MYO10: variants seen among roughly 807,000 people sequenced by gnomAD.
MYO10 encodes the protein myosin X.
A neutral mutation model predicts 257.3 loss-of-function variants in MYO10; 133 were observed. The ratio of observed to expected loss-of-function variants is 0.52; its 90% CI spans 0.45 to 0.60. The LOEUF (loss-of-function observed/expected upper bound fraction) is 0.60. MYO10 is among the 20% of genes least tolerant of loss of function. The pLI is 0.00. For missense variants in MYO10, 2,399 were observed against 2,635.7 expected (o/e 0.91, Z 1.97); for synonymous variants, 1,104 against 1,028.6 (o/e 1.07, Z -1.40).
At chr5:16,792,165 GGAGAGAC>G (rs1741785443) in intron 4 of MYO10, among the ~76,000 whole-genome samples, 1 of 123,842 alleles carries the variant, frequency 8.1e-6, no homozygotes, top group Non-Finnish European at 1.7e-5. Context: ...AGAGAGAGAG[GGAGAGAC>G]AGAGACAGAC....
intron 24 of MYO10, among the ~76,000 whole-genome samples, chr5:16,702,266 A>G (rs181940): frequency 0.1 from 15,521 of 152,266 alleles, 2,186 homozygotes; most frequent in African/African-American, 0.32. Context: ...TCAATCCACC[A>G]GTCTGTGGTA....
intron 2 of MYO10, among the ~76,000 whole-genome samples, chr5:16,858,835 G>A (rs1406584959): frequency 3.9e-5 from 6 of 152,150 alleles, no homozygotes; most frequent in Non-Finnish European, 7.3e-5. Flanking sequence ...GCATGTGCCC[G>A]TAATCCCAGC....
chr5:16,761,949 G>A, intron 16 of MYO10, 96 bp downstream of exon 16: 1 of 1,280,840 alleles, frequency 7.8e-7, no homozygotes, highest in Non-Finnish European at 1.1e-6. Context: ...GAGCCACCAT[G>A]CCCAGCCCAA....
At chr5:16,927,496 T>C (rs1746168337) in intron 1 of MYO10, among the ~76,000 whole-genome samples, 1 of 152,126 alleles carries the variant, frequency 6.6e-6, no homozygotes, top group African/African-American at 2.4e-5. Context: ...AGCTAGTTTT[T>C]TGTATTTTTA....
At position 16,823,446 on chromosome 5, in the gene MYO10, CGCG is replaced by C. The variant is rs1248382452; in HGVS notation, c.121-5282_121-5280del. 2.4e-3 allele frequency among the ~76,000 whole-genome samples: 10 copies of C among 4,192 alleles called. 1 individual carries two copies. The highest frequency in any genetic ancestry group is 0.019 in the South Asian group (1 of 54). The allele number at this position is 4,192 out of a possible 152,430, so 2.8% of individuals were successfully genotyped here. A position where few individuals can be genotyped will look rare whatever the true frequency, so the allele number is the denominator to read the frequency against. On this transcript the variant is annotated intron_variant, in intron 2 of 40. Coordinates refer to ENST00000513610, the MANE Select transcript of MYO10 (RefSeq NM_012334.3). ...GATGACAGGGCAAGACTCCATCTTG[CGCG>C]GGGGGGGGGGGAGTGGGGATTTTTT...
chr5:16,920,162 T>C (rs1745942224), intron 1 of MYO10, among the ~76,000 whole-genome samples: 1 of 151,812 alleles, frequency 6.6e-6, no homozygotes, highest in African/African-American at 2.4e-5. Flanking sequence ...TAAACCCAGC[T>C]GCTTGGGAGT....
intron 21 of MYO10, among the ~76,000 whole-genome samples, chr5:16,705,907 C>T (rs1343605737): frequency 1.3e-5 from 2 of 152,056 alleles, no homozygotes; most frequent in Non-Finnish European, 2.9e-5. Context: ...GTTGGCCGGG[C>T]GCAGTGGCTC....
At chr5:16,849,919 C>T (rs1459317186) in intron 2 of MYO10, among the ~76,000 whole-genome samples, 2 of 152,154 alleles carry the variant, frequency 1.3e-5, no homozygotes, top group Non-Finnish European at 2.9e-5. Flanking sequence ...AGCCATTTTG[C>T]GCTGTCTTTA....
In MYO10 at chr5:16,676,034, T is replaced by A; in HGVS notation, c.4663A>T (p.Asn1555Tyr). The A allele has an allele frequency of 6.2e-7, 1 of 1,605,620 alleles. No individual in the cohort carries two copies. The highest frequency in any genetic ancestry group is 8.5e-7 in the Non-Finnish European group (1 of 1,176,408). ...LPLPYGDINLNLLKDKGYTTL... is the reference protein window; with the variant it reads ...LPLPYGDINLYLLKDKGYTTL... ...CGGGGTGGAGCTCTGGACTTACAGTTGAGATTTATGTCCCCATACGGAAGG... is the reference window on the plus strand; with the variant it reads ...CGGGGTGGAGCTCTGGACTTACAGTAGAGATTTATGTCCCCATACGGAAGG... The change falls in exon 34 of 41, where the codon AAC (asparagine) becomes TAC (tyrosine). Residue 1555 changes from asparagine (N) to tyrosine (Y), a missense_variant. Physicochemically the swap from Asn to Tyr is moderately radical, Grantham distance 143 (BLOSUM62 -2). Around this residue, in one of 3 missense-constraint regions of MYO10, gnomAD observed 1,820 missense variants for 1,939.4 expected, o/e 0.94. Coordinates refer to ENST00000513610, the MANE Select transcript of MYO10 (RefSeq NM_012334.3).
At position 16,891,655 on chromosome 5, in the gene MYO10, CAGGG is replaced by C. The variant is rs143965227; in HGVS notation, c.22-13952_22-13949del. ...GAATTATATCACAAATTAAAAGAGA[CAGGG>C]AGGGAGAGACAACTATGCAGACAAA... On this transcript the variant is annotated intron_variant, in intron 1 of 40. Transcript: ENST00000513610. Among the ~76,000 whole-genome samples, 26 of 152,188 alleles carry C rather than the reference CAGGG, an allele frequency of 1.7e-4. No individual in the cohort carries two copies. In the East Asian group the frequency reaches 3.9e-3, roughly 23 times the overall value.
chr5:16,840,615 T>C (rs1743450014), intron 2 of MYO10, among the ~76,000 whole-genome samples: 1 of 152,158 alleles, frequency 6.6e-6, no homozygotes, highest in Admixed American at 6.5e-5. Flanking sequence ...AAGCACACTG[T>C]ACACCAAATC....
rs115484710 is a variant in MYO10, at chr5:16,754,537, T to G, written c.1929+291A>C. The stretch of plus-strand genomic sequence containing the variant: ...AAAATGATGTATCACACTCTGAAAC[T>G]TTTCCCAAGAATTTTAAACCAAACG... On this transcript the variant is annotated intron_variant, in intron 19 of 40. Coordinates refer to ENST00000513610, the MANE Select transcript of MYO10 (RefSeq NM_012334.3). Among the ~76,000 whole-genome samples the G allele has an allele frequency of 3.4e-3, 507 of 151,178 alleles. 3 individuals carry two copies. The highest frequency in any genetic ancestry group is 0.012 in the African/African-American group (486 of 41,206).
intron 19 of MYO10, chr5:16,713,286 A>T: frequency 1.0e-6 from 1 of 981,944 alleles, no homozygotes; most frequent in Non-Finnish European, 1.2e-6. Flanking sequence ...TAAAGATATT[A>T]CACCAAAAGG....
In MYO10 at chr5:16,900,610, C is replaced by A. The variant is rs182767226; in HGVS notation, c.22-22903G>T. 3.8e-3 allele frequency among the ~76,000 whole-genome samples: 585 copies of A among 152,192 alleles called. 2 individuals carry two copies. The highest frequency in any genetic ancestry group is 4.0e-3 in the Non-Finnish European group (271 of 68,020). On this transcript the variant is annotated intron_variant, in intron 1 of 40. Coordinates refer to ENST00000513610, the MANE Select transcript of MYO10 (RefSeq NM_012334.3). ...TCCGGTGACAATTGGATAGAGCAGC[C>A]AGGCCATCTGTTCTCACCACCTCCC...
intron 16 of MYO10, 108 bp downstream of exon 16, chr5:16,761,937 G>T: frequency 8.5e-7 from 1 of 1,178,978 alleles, no homozygotes; most frequent in Non-Finnish European, 1.2e-6. Context: ...GTAGGCTCAT[G>T]TGAGCCACCA....
At chr5:16,886,123 G>T (rs1374530011) in intron 1 of MYO10, among the ~76,000 whole-genome samples, 2 of 152,202 alleles carry the variant, frequency 1.3e-5, no homozygotes, top group African/African-American at 4.8e-5. Flanking sequence ...TTCAGCCACG[G>T]CCATGTAGGC....
chr5:16,912,031 G>A (rs1242717050), intron 1 of MYO10, among the ~76,000 whole-genome samples: 6 of 150,708 alleles, frequency 4.0e-5, no homozygotes, highest in African/African-American at 1.5e-4. Context: ...ACGAAATTCC[G>A]TCTCCAAAAA....
At chr5:16,794,587 G>T in intron 4 of MYO10, 59 bp downstream of exon 4, 1 of 1,478,944 alleles carries the variant, frequency 6.8e-7, no homozygotes, top group Non-Finnish European at 9.1e-7. Flanking sequence ...CTGGGGTTGG[G>T]GGTGCGCGGA....
intron 2 of MYO10, among the ~76,000 whole-genome samples, chr5:16,852,730 C>T (rs572065441): frequency 1.7e-4 from 26 of 151,984 alleles, no homozygotes; most frequent in Non-Finnish European, 2.9e-4. Context: ...TTGATCAAAG[C>T]GCTCTGGACT....
Sources: gnomAD v4.1 joint callset for allele counts (sites outside exome capture counted in the v4.1 genomes callset) on GRCh38, gnomAD v4.1.1 for gene constraint, gnomAD v4.1.1 regional missense constraint, MANE v1.5 for transcripts, NCBI Gene and HGNC (gene_info 2026-07-23, HGNC 2026-07-21) for gene names.